FGFR4: variants seen among roughly 807,000 people sequenced by gnomAD.
FGFR4 encodes fibroblast growth factor receptor 4.
In FGFR4, 63 loss-of-function variants were observed where a neutral mutation model predicts 89.9. The observed-to-expected ratio is 0.70, with a 90% CI of 0.57 to 0.86. The LOEUF (loss-of-function observed/expected upper bound fraction) is 0.86. FGFR4 is among the 40% of genes least tolerant of loss of function. FGFR4 has a pLI of 0.00. For synonymous variants in FGFR4, 486 were observed against 479.4 expected (o/e 1.01, Z -0.18); for missense variants, 928 against 1,106.7 (o/e 0.84, Z 2.29).
chr5:177,095,303 T>C lies in FGFR4; in HGVS notation c.1520-27T>C. The C allele has an allele frequency of 6.3e-7, 1 of 1,588,016 alleles. No homozygotes were observed. Among genetic ancestry groups the C allele is most frequent in the African/African-American group, 1.3e-5 (1 of 74,566 alleles). Reference sequence around the variant, plus strand: ...TCCCTCGTGCAGTTGGAGGGCAGCCTCTTCACCCCGTCTGCTGCCCTTACA... The same window carrying C: ...TCCCTCGTGCAGTTGGAGGGCAGCCCCTTCACCCCGTCTGCTGCCCTTACA... On this transcript the variant is annotated intron_variant, in intron 11 of 17. Transcript: ENST00000292408. This position sits in a 1 kb window ranked among gnomAD's most constrained non-coding sequence, Gnocchi z 5.7.
chr5:177,089,880 T>A (rs528683555), intron 2 of FGFR4, 187 bp downstream of exon 2: 2 of 823,586 alleles, frequency 2.4e-6, no homozygotes, highest in South Asian at 2.9e-5. Context: ...TATCACTGTG[T>A]CTGCGAGAGA....
rs373126273 is a variant in FGFR4 at position 177,096,179 on chromosome 5, C to G, written c.1944C>G (p.Asn648Lys). 1 of 1,613,886 alleles carries G rather than the reference C, an allele frequency of 6.2e-7. No homozygotes were observed. Among genetic ancestry groups the G allele is most frequent in the Non-Finnish European group, 8.5e-7 (1 of 1,179,864 alleles). Residue 648 changes from asparagine to lysine, a missense_variant and splice_region_variant, in exon 14 of 18, where the codon AAC (asparagine) becomes AAG (lysine). Asn to Lys is a moderately conservative substitution (Grantham distance 94). Transcript: ENST00000292408. ...TTGACTACTATAAGAAAACCAGCAA[C>G]GTGAGGGAGATGGGGCAGAACTGGA... ...HHIDYYKKTS[N>K]GRLPVKWMAP...
At position 177,097,884 on chromosome 5, in the gene FGFR4, C is replaced by T; in HGVS notation, c.*208C>T. 1 of 522,416 alleles carries T rather than the reference C, an allele frequency of 1.9e-6. No homozygotes were observed. The highest frequency in any genetic ancestry group is 3.2e-6 in the Non-Finnish European group (1 of 314,688). 32.4% of individuals were successfully genotyped at this position (522,416 alleles called of 1,614,324 possible). On this transcript the variant is annotated 3_prime_UTR_variant, in exon 18 of 18. Transcript: ENST00000292408. ...TCAGGGTTCTGCTCGGCTTCTTGGACCTTGGCGCTTAGTCCCCATCCCGGG... is the reference window on the plus strand; with the variant it reads ...TCAGGGTTCTGCTCGGCTTCTTGGATCTTGGCGCTTAGTCCCCATCCCGGG...
At chr5:177,091,598 T>C (rs1784367734) in intron 5 of FGFR4, 87 bp from the exon 6 acceptor site, 2 of 1,552,688 alleles carry the variant, frequency 1.3e-6, no homozygotes, top group Admixed American at 1.8e-5. Flanking sequence ...AAGAGCCCTG[T>C]GGGCAGGATG....
At position 177,087,954 on chromosome 5, in the gene FGFR4, C is replaced by T. The variant is rs1408051943; in HGVS notation, c.-54+877C>T. Among the ~76,000 whole-genome samples, 1 of 152,176 alleles carries T rather than the reference C, an allele frequency of 6.6e-6. No individual in the cohort carries two copies. Among genetic ancestry groups the T allele is most frequent in the African/African-American group, 2.4e-5 (1 of 41,448 alleles). The stretch of plus-strand genomic sequence containing the variant: ...GGAGCCCTAGGATGTTGAGCTGGAT[C>T]CTGCTGGGCACAGGTAGCCATTAAG... On this transcript the variant is annotated intron_variant, in intron 1 of 17. Coordinates refer to ENST00000292408, the MANE Select transcript of FGFR4 (RefSeq NM_213647.3). The surrounding 1 kb of genome is among the most constrained non-coding windows in gnomAD (Gnocchi z 6.1).
intron 16 of FGFR4, 22 bp downstream of exon 16, chr5:177,096,763 G>C (rs373193329): frequency 6.4e-7 from 1 of 1,556,934 alleles, no homozygotes; most frequent in Non-Finnish European, 8.7e-7. Flanking sequence ...CCCTGCCCTC[G>C]ACCCCACTTT....
chr5:177,090,106 GTGTGTGTCCGTA>G, intron 2 of FGFR4: 2 of 669,474 alleles, frequency 3.0e-6, no homozygotes, highest in Non-Finnish European at 2.7e-6. Flanking sequence ...CCTTGTGTGT[GTGTGTGTCCGTA>G]TGTGTGTGTG....
At position 177,097,904 on chromosome 5, in the gene FGFR4, C is replaced by G. The variant is rs1290810226; in HGVS notation, c.*228C>G. On this transcript the variant is annotated 3_prime_UTR_variant, in exon 18 of 18. Transcript: ENST00000292408. The stretch of plus-strand genomic sequence containing the variant: ...TTGGACCTTGGCGCTTAGTCCCCAT[C>G]CCGGGTTTGGCTGAGCCTGGCTGGA... 4 of 484,328 alleles carry G rather than the reference C, an allele frequency of 8.3e-6. No homozygotes were observed. Among genetic ancestry groups the G allele is most frequent in the Non-Finnish European group, 1.4e-5 (4 of 280,634 alleles). 30.0% of individuals were successfully genotyped at this position (484,328 alleles called of 1,614,324 possible).
In FGFR4 at chr5:177,097,287, C is replaced by T. The variant is rs752555754; in HGVS notation, c.2154-5C>T. Reference sequence around the variant, plus strand: ...CCCTGTGACCCTCCGCCCCACCTCTCGCAGGTACGGGCTGATGCGTGAGTG... The same window carrying T: ...CCCTGTGACCCTCCGCCCCACCTCTTGCAGGTACGGGCTGATGCGTGAGTG... On this transcript the variant is annotated splice_polypyrimidine_tract_variant and splice_region_variant and intron_variant, in intron 16 of 17. Transcript: ENST00000292408. 16 of 1,591,918 alleles carry T rather than the reference C, an allele frequency of 1.0e-5. No homozygotes were observed. The South Asian group carries it at 1.1e-4, about 11-fold the overall frequency.
intron 3 of FGFR4, 28 bp downstream of exon 3, chr5:177,090,681 G>A (rs765421192): frequency 6.5e-7 from 1 of 1,535,420 alleles, no homozygotes; most frequent in Non-Finnish European, 8.8e-7. Context: ...GGAGTGAAGG[G>A]ATGCCTGGGG....
intron 16 of FGFR4, 122 bp downstream of exon 16, chr5:177,096,863 C>G (rs1444398665): frequency 9.2e-7 from 1 of 1,088,052 alleles, no homozygotes; most frequent in African/African-American, 1.7e-5. Flanking sequence ...CGTCCTCCTC[C>G]TCCTCTTCCT....
Position 177,093,101 on chromosome 5 carries a change from A to G in FGFR4, c.1058-37A>G, listed in dbSNP as rs1275982803. On this transcript the variant is annotated intron_variant, in intron 8 of 17. Transcript: ENST00000292408. The surrounding 1 kb of genome is among the most constrained non-coding windows in gnomAD (Gnocchi z 5.8). ...GGGGCGGCCAGTCTCACCACTGACC[A>G]GTTTGTCTGTCTGTGTGTGTCCATG... 1 of 1,613,370 alleles carries G rather than the reference A, an allele frequency of 6.2e-7. No homozygotes were observed. Among genetic ancestry groups the G allele is most frequent in the South Asian group, 1.1e-5 (1 of 91,062 alleles).
chr5:177,097,122 T>A, intron 16 of FGFR4, 170 bp from the exon 17 acceptor site: 4 of 510,170 alleles, frequency 7.8e-6, no homozygotes, highest in East Asian at 3.6e-5. Context: ...CTCCTCCTCC[T>A]CTTCCTCCTC....
chr5:177,095,461 G>A lies in FGFR4; in HGVS notation c.1630+21G>A, dbSNP rs776450673. ...GGAAGGTGGGGCCGAGGCGGGGCTGGCTGCACGGGCCGTTAGGGTGCAGAG... is the reference window on the plus strand; with the variant it reads ...GGAAGGTGGGGCCGAGGCGGGGCTGACTGCACGGGCCGTTAGGGTGCAGAG... On this transcript the variant is annotated intron_variant, in intron 12 of 17. Coordinates refer to ENST00000292408, the MANE Select transcript of FGFR4 (RefSeq NM_213647.3). The surrounding 1 kb of genome is among the most constrained non-coding windows in gnomAD (Gnocchi z 5.7). The A allele has an allele frequency of 6.8e-6, 11 of 1,613,910 alleles. No individual in the cohort carries two copies. The highest frequency in any genetic ancestry group is 9.3e-6 in the Non-Finnish European group (11 of 1,179,840).
At position 177,090,399 on chromosome 5, in the gene FGFR4, T is replaced by C. The variant is rs766080164; in HGVS notation, c.101T>C (p.Leu34Pro). ...TGCCCTCTGCCCACAGAGCCCTGCC[T>C]GGCTCCCAGCCTGGAGCAGCAAGAG... is the stretch of plus-strand genomic sequence containing the variant. ...ASEEVELEPC[L>P]APSLEQQEQE... Residue 34 changes from leucine (L) to proline (P), a missense_variant, in exon 3 of 18, where the codon CTG becomes CCG. Physicochemically the swap from Leu to Pro is moderately conservative, Grantham distance 98. This residue lies in a region of FGFR4 where 741 missense variants were observed against 836.9 expected (regional missense o/e 0.89). Coordinates refer to ENST00000292408, the MANE Select transcript of FGFR4 (RefSeq NM_213647.3). The C allele has an allele frequency of 3.1e-6, 5 of 1,601,966 alleles. No individual in the cohort carries two copies. In the African/African-American group the frequency reaches 4.0e-5, roughly 13 times the overall value.
At chr5:177,090,209 G>A (rs1310303853) in intron 2 of FGFR4, 181 bp from the exon 3 acceptor site, 2 of 802,182 alleles carry the variant, frequency 2.5e-6, no homozygotes, top group Non-Finnish European at 4.2e-6. Context: ...CCCCAAGAGT[G>A]TGGCATTTGC....
intron 5 of FGFR4, 86 bp downstream of exon 5, chr5:177,091,190 CA>C (rs1438099992): frequency 6.9e-7 from 1 of 1,446,106 alleles, no homozygotes; most frequent in Non-Finnish European, 9.2e-7. Flanking sequence ...ACCTATAAAT[CA>C]ATCGAATGAG....
chr5:177,094,176 C>T (rs1475054974), intron 11 of FGFR4, among the ~76,000 whole-genome samples: 3 of 152,064 alleles, frequency 2.0e-5, no homozygotes, highest in Non-Finnish European at 4.4e-5. Flanking sequence ...CCAGGTGAGC[C>T]CTGGAGCTGG....
In FGFR4 at chr5:177,091,726, G is replaced by A. The variant is rs146983133; in HGVS notation, c.645G>A (p.Val215=). Residue 215 remains valine (V), a synonymous_variant, in exon 6 of 18, where the codon GTG becomes GTA. Coordinates refer to ENST00000292408, the MANE Select transcript of FGFR4 (RefSeq NM_213647.3). ...QHWSLVMESV[V]PSDRGTYTCL... ...GGAGTCTCGTGATGGAGAGCGTGGT[G>A]CCCTCGGACCGCGGCACATACACCT... 3.7e-6 allele frequency: 6 copies of A among 1,614,118 alleles called. No homozygotes were observed. In the African/African-American group the frequency reaches 8.0e-5, roughly 22 times the overall value.
Sources: allele counts gnomAD v4.1 joint callset (sites outside exome capture counted in the v4.1 genomes callset), GRCh38; gene constraint gnomAD v4.1.1; regional missense constraint gnomAD v4.1.1; non-coding constraint Gnocchi (gnomAD v3.1); transcripts MANE v1.5; gene names NCBI Gene and HGNC (gene_info 2026-07-23, HGNC 2026-07-21).